Variants in PTPRD observed in about 807,000 individuals in gnomAD.
PTPRD encodes the protein protein tyrosine phosphatase receptor type D.
Under a neutral mutation model 214.5 loss-of-function variants are expected in PTPRD, and 34 were observed. The observed-to-expected ratio is 0.16, with a 90% confidence interval of 0.12 to 0.21. The LOEUF is 0.21. Among genes scored for constraint, PTPRD ranks in the 10% least tolerant of loss-of-function variants. The pLI, the probability that PTPRD is intolerant of heterozygous loss-of-function variation, is 1.00. For missense variants in PTPRD, 2,545 were observed against 2,398.7 expected (o/e 1.06, Z -1.27); for synonymous variants, 1,128 against 845.7 (o/e 1.33, Z -5.79).
chr9:9,461,320 C>T (rs530144555), intron 8 of PTPRD, among the ~76,000 whole-genome samples: 14 of 152,034 alleles, frequency 9.2e-5, no homozygotes, highest in East Asian at 7.8e-4. Flanking sequence ...CTTCCTGAAT[C>T]GGAATTTTAA....
intron 11 of PTPRD, among the ~76,000 whole-genome samples, chr9:8,750,085 G>C: frequency 6.6e-6 from 1 of 150,692 alleles, no homozygotes; most frequent in East Asian, 2.0e-4. Context: ...CTGGGCAACA[G>C]CATGAGACTC....
At chr9:8,705,826 G>C (rs1346393074) in intron 12 of PTPRD, among the ~76,000 whole-genome samples, 1 of 152,038 alleles carries the variant, frequency 6.6e-6, no homozygotes, top group African/African-American at 2.4e-5. Flanking sequence ...CAATTCCCTA[G>C]GTGTTTCTTT....
intron 5 of PTPRD, among the ~76,000 whole-genome samples, chr9:9,788,918 C>T (rs972683393): frequency 9.2e-5 from 14 of 152,172 alleles, no homozygotes. Context: ...AAAGAACCCT[C>T]TGCTTTAGTT....
At chr9:8,337,580 G>A (rs1343257748) in intron 43 of PTPRD, among the ~76,000 whole-genome samples, 1 of 151,744 alleles carries the variant, frequency 6.6e-6, no homozygotes, top group African/African-American at 2.4e-5. Flanking sequence ...TTCTGCACAT[G>A]TATTCAGGAC....
Position 9,720,305 on chromosome 9 carries a change from T to C in PTPRD, c.-287+14228A>G, listed in dbSNP as rs1329322466. ...AATCTCAGATACAGAGATTGCAAAT[T>C]GTCAACAGTCACAGAAGAAGTCAGT... On this transcript the variant is annotated intron_variant, in intron 7 of 45. Coordinates refer to ENST00000381196, the MANE Select transcript of PTPRD (RefSeq NM_002839.4). Among the ~76,000 whole-genome samples the C allele has an allele frequency of 2.0e-5, 3 of 152,160 alleles. No individual in the cohort carries two copies. The East Asian group carries it at 5.8e-4, about 29-fold the overall frequency.
intron 7 of PTPRD, among the ~76,000 whole-genome samples, chr9:9,731,423 A>G (rs1295402200): frequency 1.3e-5 from 2 of 151,540 alleles, no homozygotes; most frequent in African/African-American, 4.9e-5. Flanking sequence ...TTTCAAAATG[A>G]TAACTAGAAG....
chr9:9,266,115 A>G (rs1939470120), intron 9 of PTPRD, among the ~76,000 whole-genome samples: 1 of 151,686 alleles, frequency 6.6e-6, no homozygotes, highest in African/African-American at 2.4e-5. Context: ...ATAGACTTTA[A>G]GTCAAAAATT....
chr9:10,038,772 A>G (rs1204574936), intron 3 of PTPRD, among the ~76,000 whole-genome samples: 1 of 152,074 alleles, frequency 6.6e-6, no homozygotes, highest in Non-Finnish European at 1.5e-5. Context: ...AGAGAACTGT[A>G]ATCACTTAGT....
intron 11 of PTPRD, among the ~76,000 whole-genome samples, chr9:9,011,585 A>T (rs773815368): frequency 3.3e-5 from 5 of 152,146 alleles, no homozygotes; most frequent in Non-Finnish European, 7.3e-5. Flanking sequence ...AGTAGCTAAG[A>T]ATACATCCCT....
chr9:9,125,029 T>C (rs1340118881), intron 10 of PTPRD, among the ~76,000 whole-genome samples: 3 of 152,210 alleles, frequency 2.0e-5, no homozygotes, highest in East Asian at 1.9e-4. Flanking sequence ...CTTCATCCAC[T>C]GTCTATCCAT....
At position 8,733,706 on chromosome 9, in the gene PTPRD, T is replaced by C. The variant is rs760824740; in HGVS notation, c.64+74A>G. 3.0e-4 allele frequency: 431 copies of C among 1,459,874 alleles called. 1 individual carries two copies. The highest frequency in any genetic ancestry group is 3.8e-4 in the Non-Finnish European group (402 of 1,063,934). The allele number at this position is 1,459,874 out of a possible 1,614,324, so 90.4% of individuals were successfully genotyped here. On this transcript the variant is annotated intron_variant, in intron 12 of 45. Transcript: ENST00000381196. ...CCAAAGGAAATGTATTCAGAGGCCCTGAGCCTGGTGCCAACTGCAAACAAA... is the reference window on the plus strand; with the variant it reads ...CCAAAGGAAATGTATTCAGAGGCCCCGAGCCTGGTGCCAACTGCAAACAAA...
At chr9:8,945,422 C>A (rs2099057866) in intron 11 of PTPRD, among the ~76,000 whole-genome samples, 1 of 152,038 alleles carries the variant, frequency 6.6e-6, no homozygotes, top group Non-Finnish European at 1.5e-5. Context: ...TACTCTATTT[C>A]AAATTCTTTT....
intron 2 of PTPRD, among the ~76,000 whole-genome samples, chr9:10,366,291 T>C (rs1301856961): frequency 9.2e-5 from 14 of 152,210 alleles, no homozygotes; most frequent in Admixed American, 9.2e-4. Context: ...TTATTTTCTG[T>C]ACATTCACAT....
At chr9:10,509,579 A>ATATATATATATATT (rs1402201904) in intron 2 of PTPRD, among the ~76,000 whole-genome samples, 123 of 131,250 alleles carry the variant, frequency 9.4e-4, no homozygotes, top group Non-Finnish European at 1.7e-3. Flanking sequence ...ATATATATAT[A>ATATATATATATATT]TTTTACTCAC....
intron 3 of PTPRD, among the ~76,000 whole-genome samples, chr9:10,055,792 G>A (rs1359869909): frequency 6.6e-6 from 1 of 150,892 alleles, no homozygotes; most frequent in Non-Finnish European, 1.5e-5. Context: ...TAAGTCCAGA[G>A]GAACATTATA....
At chr9:10,171,545 G>C (rs1389479774) in intron 3 of PTPRD, among the ~76,000 whole-genome samples, 24 of 151,916 alleles carry the variant, frequency 1.6e-4, no homozygotes, top group Admixed American at 1.6e-3. Flanking sequence ...TATTTTTTGA[G>C]ACAGACTCTC....
At chr9:9,614,044 A>G (rs949548558) in intron 7 of PTPRD, among the ~76,000 whole-genome samples, 2 of 152,242 alleles carry the variant, frequency 1.3e-5, no homozygotes, top group Admixed American at 6.5e-5. Context: ...TGAAAATACA[A>G]TGTACTCAGT....
At chr9:9,052,263 CCCCACCT>C (rs1425979486) in intron 10 of PTPRD, among the ~76,000 whole-genome samples, 2 of 152,106 alleles carry the variant, frequency 1.3e-5, no homozygotes, top group African/African-American at 4.8e-5. Flanking sequence ...TCCCAAAGGC[CCCCACCT>C]CCTAATATCA....
In PTPRD at chr9:8,359,257, A is replaced by G. The variant is rs200944923; in HGVS notation, c.4661+16679T>C. ...CATGTAGGAAACTGTTAGAAATGCA[A>G]TTTTTCAGGCCCCACCCCAACCTAG... On this transcript the variant is annotated intron_variant, in intron 39 of 45. Transcript: ENST00000381196. 3.3e-5 allele frequency among the ~76,000 whole-genome samples: 5 copies of G among 151,852 alleles called. No homozygotes were observed. In the East Asian group the frequency reaches 7.8e-4, roughly 24 times the overall value.
Sources: allele counts gnomAD v4.1 joint callset (sites outside exome capture counted in the v4.1 genomes callset), GRCh38; gene constraint gnomAD v4.1.1; transcripts MANE v1.5; gene names NCBI Gene and HGNC (gene_info 2026-07-23, HGNC 2026-07-21).